The following SCN9A variants were observed in gnomAD, a reference collection of about 807,000 sequenced individuals.
SCN9A encodes sodium channel protein type 9 subunit alpha.
SCN9A carries 131 observed loss-of-function variants against 187.0 expected under a neutral mutation model. That is an observed-to-expected ratio of 0.70 (90% CI 0.61 to 0.81). The LOEUF (loss-of-function observed/expected upper bound fraction) is 0.81, where lower values mean the gene tolerates loss of function less well. SCN9A is among the 30% of genes least tolerant of loss of function. The pLI is 0.00. For synonymous variants in SCN9A, 809 were observed against 808.6 expected (o/e 1.00, Z -0.01); for missense variants, 2,252 against 2,396.6 (o/e 0.94, Z 1.26).
intron 1 of SCN9A, among the ~76,000 whole-genome samples, chr2:166,313,745 T>G (rs1699036803): frequency 6.6e-6 from 1 of 152,240 alleles, no homozygotes; most frequent in Non-Finnish European, 1.5e-5. Context: ...ATGTTTCCTT[T>G]GCATTCACAA....
At chr2:166,213,017 T>A (rs531496472) in intron 24 of SCN9A, among the ~76,000 whole-genome samples, 27 of 152,212 alleles carry the variant, frequency 1.8e-4, no homozygotes, top group African/African-American at 5.5e-4. Flanking sequence ...TTGAGATACA[T>A]GTCTACATTA....
At chr2:166,218,428 AAAAT>A (rs201012716) in intron 24 of SCN9A, among the ~76,000 whole-genome samples, 4,786 of 152,002 alleles carry the variant, frequency 0.031, 458 homozygotes, top group Admixed American at 0.2. Flanking sequence ...AAATAAATAA[AAAAT>A]AAAAAAGTGA....
chr2:166,218,084 C>A (rs7568090), intron 24 of SCN9A, among the ~76,000 whole-genome samples: 112,008 of 151,736 alleles, frequency 0.74, 41,664 homozygotes, highest in East Asian at 0.8. Context: ...TACCCATCAA[C>A]AGGTGAATGA....
Position 166,198,422 on chromosome 2 carries a change from C to G in SCN9A, c.*250G>C. 1 of 181,394 alleles carries G rather than the reference C, an allele frequency of 5.5e-6. No homozygotes were observed. 11.2% of individuals were successfully genotyped at this position (181,394 alleles called of 1,614,324 possible). Reference sequence around the variant, plus strand: ...TTCTGATTTATTAAAAACCAAAAAACTGAATCACTTTTGTATGCTATAATC... The same window carrying G: ...TTCTGATTTATTAAAAACCAAAAAAGTGAATCACTTTTGTATGCTATAATC... On this transcript the variant is annotated 3_prime_UTR_variant, in exon 27 of 27. Transcript: ENST00000642356.
Position 166,286,527 on chromosome 2 carries a change from T to C in SCN9A, c.1411A>G (p.Lys471Glu). The change falls in exon 11 of 27, where the codon AAA becomes GAA. Residue 471 changes from lysine to glutamate, a missense_variant. Transcript: ENST00000642356. ...SSSETSKLSS[K>E]SAKERRNRRK... ...CTGTTTCTTCTTTCTTTAGCACTTT[T>C]AGAGCTCAGTTTGGATGTTTCAGAA... is the stretch of plus-strand genomic sequence containing the variant. 1 of 1,612,688 alleles carries C rather than the reference T, an allele frequency of 6.2e-7. No individual in the cohort carries two copies. Among genetic ancestry groups the C allele is most frequent in the East Asian group, 2.2e-5 (1 of 44,852 alleles).
intron 24 of SCN9A, among the ~76,000 whole-genome samples, chr2:166,208,733 G>GTTGA (rs750177681): frequency 2.4e-4 from 36 of 152,204 alleles, no homozygotes; most frequent in Admixed American, 5.2e-4. Flanking sequence ...GGCATGGGTA[G>GTTGA]TTGATAGAGC....
chr2:166,347,623 A>T (rs1222391143), intron 1 of SCN9A, among the ~76,000 whole-genome samples: 1 of 152,240 alleles, frequency 6.6e-6, no homozygotes, highest in Non-Finnish European at 1.5e-5. Context: ...TTAACTAATT[A>T]ATGTTCACAA....
intron 24 of SCN9A, among the ~76,000 whole-genome samples, chr2:166,214,499 CTT>C (rs1694236359): frequency 8.1e-6 from 1 of 123,588 alleles, no homozygotes; most frequent in Non-Finnish European, 1.6e-5. Flanking sequence ...ACTCTACAAT[CTT>C]TCTTTTTTTT....
chr2:166,276,165 AT>A (rs148223323), intron 16 of SCN9A, among the ~76,000 whole-genome samples: 1 of 152,154 alleles, frequency 6.6e-6, no homozygotes, highest in Non-Finnish European at 1.5e-5. Context: ...AAGAAAAAAA[AT>A]AAAAAAAAAG....
rs534328967 is a variant in SCN9A at position 166,264,336 on chromosome 2, A to T, written c.3351+8063T>A. Among the ~76,000 whole-genome samples the T allele has an allele frequency of 6.6e-5, 10 of 152,022 alleles. No individual in the cohort carries two copies. In the South Asian group the frequency reaches 2.1e-3, roughly 32 times the overall value. ...GTTTGGAGTGTGCTTGGAGGGCTTC[A>T]TTGCACTTCAGGAGAAGGCTGACTC... On this transcript the variant is annotated intron_variant, in intron 17 of 26. Transcript: ENST00000642356.
chr2:166,209,991 T>TA (rs1694007941), intron 24 of SCN9A, among the ~76,000 whole-genome samples: 1 of 152,110 alleles, frequency 6.6e-6, no homozygotes, highest in South Asian at 2.1e-4. Flanking sequence ...CATGCTGCTA[T>TA]AAAGACGCAT....
At chr2:166,348,008 C>T (rs909563406) in intron 1 of SCN9A, among the ~76,000 whole-genome samples, 2 of 152,160 alleles carry the variant, frequency 1.3e-5, no homozygotes, top group Non-Finnish European at 1.5e-5. Flanking sequence ...GGCAACTTTT[C>T]ACAGGCATGT....
In SCN9A at chr2:166,204,016, G is replaced by A. The variant is rs2106346095; in HGVS notation, c.4713C>T (p.His1571=). The change falls in exon 26 of 27, where the codon CAC becomes CAT. Residue 1571 remains histidine (H), a synonymous_variant. Transcript: ENST00000642356. ...ECVLKLISLR[H]YYFTVGWNIF... ...TATTCCATCCTACAGTGAAGTAGTA[G>A]TGTCTGAGGGAGATCAGTTTTAGCA... 3 of 1,604,900 alleles carry A rather than the reference G, an allele frequency of 1.9e-6. No homozygotes were observed. The highest frequency in any genetic ancestry group is 2.6e-6 in the Non-Finnish European group (3 of 1,172,366).
chr2:166,337,802 T>G (rs1453102861), intron 1 of SCN9A, among the ~76,000 whole-genome samples: 2 of 152,172 alleles, frequency 1.3e-5, no homozygotes, highest in Non-Finnish European at 2.9e-5. Context: ...CTCAGTTTAC[T>G]CATCGGTAAA....
intron 1 of SCN9A, among the ~76,000 whole-genome samples, chr2:166,329,054 A>C (rs1323822231): frequency 6.6e-6 from 1 of 152,144 alleles, no homozygotes; most frequent in Non-Finnish European, 1.5e-5. Flanking sequence ...CTTATTTTGA[A>C]AGACCTTTTA....
At position 166,311,681 on chromosome 2, in the gene SCN9A, G is replaced by A. The variant is rs199933920; in HGVS notation, c.76C>T (p.Arg26Cys). The A allele has an allele frequency of 8.1e-5, 131 of 1,613,090 alleles. No individual in the cohort carries two copies. The highest frequency in any genetic ancestry group is 1.0e-4 in the Non-Finnish European group (121 of 1,179,572). The change falls in exon 2 of 27, where the codon CGC (arginine) becomes TGC (cysteine). Residue 26 changes from arginine (R) to cysteine (C), a missense_variant. Around this residue, in one of 7 missense-constraint regions of SCN9A, gnomAD observed 1,013 missense variants for 997.4 expected, o/e 1.02. Coordinates refer to ENST00000642356, the MANE Select transcript of SCN9A (RefSeq NM_001365536.1). ...TCCTTTGATTTTCTTTCAGCAATGCGTTGTTCAATGAGGGCAAGAGACTGT... is the reference window on the plus strand; with the variant it reads ...TCCTTTGATTTTCTTTCAGCAATGCATTGTTCAATGAGGGCAAGAGACTGT... ...TKQSLALIEQRIAERKSKEPK... is the reference protein window; with the variant it reads ...TKQSLALIEQCIAERKSKEPK...
At chr2:166,316,037 G>A (rs914759359) in intron 1 of SCN9A, among the ~76,000 whole-genome samples, 5 of 152,024 alleles carry the variant, frequency 3.3e-5, no homozygotes, top group South Asian at 2.1e-4. Context: ...AGGCAAAATC[G>A]AAAAAGATAA....
intron 24 of SCN9A, among the ~76,000 whole-genome samples, chr2:166,221,510 C>A (rs7582397): frequency 0.74 from 112,141 of 151,990 alleles, 41,713 homozygotes; most frequent in East Asian, 0.8. Flanking sequence ...CAGTGATCCT[C>A]CCACCTCAGG....
chr2:166,220,709 C>T (rs1482174404), intron 24 of SCN9A, among the ~76,000 whole-genome samples: 1 of 152,106 alleles, frequency 6.6e-6, no homozygotes, highest in Non-Finnish European at 1.5e-5. Context: ...CAGCTAACAT[C>T]GTATTCAATG....
Sources: gnomAD v4.1 joint callset for allele counts (sites outside exome capture counted in the v4.1 genomes callset) on GRCh38, gnomAD v4.1.1 for gene constraint, gnomAD v4.1.1 regional missense constraint, MANE v1.5 for transcripts, NCBI Gene and HGNC (gene_info 2026-07-23, HGNC 2026-07-21) for gene names.